The following DAB1 variants were observed in gnomAD, a reference collection of about 807,000 sequenced individuals.
The protein encoded by DAB1 is disabled homolog 1.
Under a neutral mutation model 64.6 loss-of-function variants are expected in DAB1, and 15 were observed. The observed-to-expected ratio is 0.23, with a 90% CI of 0.16 to 0.36. The LOEUF is 0.36. Among genes scored for constraint, DAB1 ranks in the 10% least tolerant of loss-of-function variants. The pLI, the probability that DAB1 is intolerant of heterozygous loss-of-function variation, is 1.00. For synonymous variants in DAB1, 235 were observed against 251.9 expected (o/e 0.93, Z 0.64); for missense variants, 596 against 706.7 (o/e 0.84, Z 1.78).
At position 58,300,596 on chromosome 1, in the gene DAB1, GAAAGAA is replaced by G. The variant is rs1557726022; in HGVS notation, n.309+42750_309+42755del. Among the ~76,000 whole-genome samples, 5 of 41,180 alleles carry G rather than the reference GAAAGAA, an allele frequency of 1.2e-4. 1 individual carries two copies. The highest frequency in any genetic ancestry group is 4.5e-4 in the African/African-American group (5 of 11,072). 27.0% of individuals were successfully genotyped at this position (41,180 alleles called of 152,430 possible). On this transcript the variant is annotated intron_variant and non_coding_transcript_variant, in intron 4 of 20. Coordinates refer to the DAB1 transcript ENST00000485760. ...AGAAAGAAAGAAAGAAAGAAAGAAAGAAAGAAAGAAAGAAAGAGAGAGAGAGAGAGA... is the reference window on the plus strand; with the variant it reads ...AGAAAGAAAGAAAGAAAGAAAGAAAGAGAAAGAAAGAGAGAGAGAGAGAGA...
At chr1:57,432,356 T>C (rs1685548924) in intron 7 of DAB1, among the ~76,000 whole-genome samples, 1 of 152,228 alleles carries the variant, frequency 6.6e-6, no homozygotes, top group African/African-American at 2.4e-5. Flanking sequence ...TATTTAATTT[T>C]GGTAGACCTA....
At chr1:57,662,258 C>T (rs1304335987) in intron 6 of DAB1, among the ~76,000 whole-genome samples, 2 of 152,104 alleles carry the variant, frequency 1.3e-5, no homozygotes, top group African/African-American at 2.4e-5. Context: ...TGCAATGGCG[C>T]GATCTCGGCT....
At chr1:57,012,858 A>G (rs1274534776) in intron 12 of DAB1, among the ~76,000 whole-genome samples, 3 of 152,236 alleles carry the variant, frequency 2.0e-5, no homozygotes, top group Non-Finnish European at 2.9e-5. Flanking sequence ...TGGCAGGTAT[A>G]CTGCTCAGAC....
intron 7 of DAB1, among the ~76,000 whole-genome samples, chr1:57,460,147 C>T (rs1310285654): frequency 6.6e-6 from 1 of 152,180 alleles, no homozygotes; most frequent in Non-Finnish European, 1.5e-5. Context: ...TTAGTTGTGA[C>T]ACTTAGAAAA....
At chr1:58,019,344 A>T in intron 5 of DAB1, among the ~76,000 whole-genome samples, 1 of 152,350 alleles carries the variant, frequency 6.6e-6, no homozygotes, top group African/African-American at 2.4e-5. Context: ...GAAAATATAA[A>T]GGGAATAAAA....
intron 5 of DAB1, among the ~76,000 whole-genome samples, chr1:58,088,197 G>A (rs1171114488): frequency 1.3e-5 from 2 of 152,196 alleles, no homozygotes; most frequent in East Asian, 3.9e-4. Context: ...CCCAAGTGGG[G>A]GTTCTTAGTT....
intron 1 of DAB1, among the ~76,000 whole-genome samples, chr1:57,406,458 T>C (rs549905661): frequency 3.9e-5 from 6 of 152,236 alleles, no homozygotes; most frequent in Non-Finnish European, 7.3e-5. Flanking sequence ...TATAGGGTAA[T>C]GTCCATGGAT....
At position 57,807,598 on chromosome 1, in the gene DAB1, T is replaced by C. The variant is rs74072776; in HGVS notation, n.551+76401A>G. 8.6e-3 allele frequency among the ~76,000 whole-genome samples: 1,306 copies of C among 152,340 alleles called. 20 individuals carry two copies. Among genetic ancestry groups the C allele is most frequent in the African/African-American group, 0.03 (1,245 of 41,572 alleles). The stretch of plus-strand genomic sequence containing the variant: ...ATATCCTGTCTTCTATGCTGAATTA[T>C]TGTAGTCCTACAAATGCATAATTGA... On this transcript the variant is annotated intron_variant and non_coding_transcript_variant, in intron 6 of 20. Transcript: ENST00000485760.
At chr1:57,482,377 A>G (rs1246957036) in intron 7 of DAB1, among the ~76,000 whole-genome samples, 3 of 151,882 alleles carry the variant, frequency 2.0e-5, no homozygotes, top group Admixed American at 6.6e-5. Context: ...AGAATCATCA[A>G]ATAAATATGC....
At chr1:58,072,114 T>C (rs1649313986) in intron 5 of DAB1, among the ~76,000 whole-genome samples, 1 of 151,766 alleles carries the variant, frequency 6.6e-6, no homozygotes, top group South Asian at 2.1e-4. Flanking sequence ...GGGAAGGTTT[T>C]GCAATTTTAA....
chr1:57,738,724 A>C (rs1270689452), intron 6 of DAB1, among the ~76,000 whole-genome samples: 3 of 152,212 alleles, frequency 2.0e-5, no homozygotes, highest in African/African-American at 7.2e-5. Flanking sequence ...ACTGCCAGAC[A>C]GCTCGTTGAA....
At chr1:58,007,745 G>C (rs930808997) in intron 5 of DAB1, among the ~76,000 whole-genome samples, 17 of 152,130 alleles carry the variant, frequency 1.1e-4, no homozygotes, top group African/African-American at 4.1e-4. Context: ...TCCTACCTAA[G>C]GGTCTGGACG....
At chr1:58,362,685 C>T (rs992204959) in intron 3 of DAB1, among the ~76,000 whole-genome samples, 18 of 152,150 alleles carry the variant, frequency 1.2e-4, no homozygotes, top group Non-Finnish European at 7.4e-5. Flanking sequence ...CAATGCATTC[C>T]ATCAGTGACA....
At chr1:58,023,458 G>A (rs1219086154) in intron 5 of DAB1, among the ~76,000 whole-genome samples, 1 of 152,130 alleles carries the variant, frequency 6.6e-6, no homozygotes, top group African/African-American at 2.4e-5. Context: ...TCTCTGGGGT[G>A]GGGTGTGGAT....
intron 1 of DAB1, among the ~76,000 whole-genome samples, chr1:57,835,610 T>C (rs1652776479): frequency 6.6e-6 from 1 of 152,194 alleles, no homozygotes; most frequent in South Asian, 2.1e-4. Flanking sequence ...AGTTCTCTTC[T>C]AGTCCTCCAT....
At chr1:57,015,619 T>A (rs1646404758) in intron 11 of DAB1, among the ~76,000 whole-genome samples, 188 bp from the exon 12 acceptor site, 1 of 152,120 alleles carries the variant, frequency 6.6e-6, no homozygotes, top group Non-Finnish European at 1.5e-5. Flanking sequence ...CCTAGAGAAG[T>A]GGTCAGGGAA....
intron 4 of DAB1, among the ~76,000 whole-genome samples, chr1:57,135,532 T>C (rs1358555630): frequency 6.6e-6 from 1 of 152,190 alleles, no homozygotes; most frequent in African/African-American, 2.4e-5. Flanking sequence ...GCTTCTACCT[T>C]TTGGCTACTG....
intron 7 of DAB1, among the ~76,000 whole-genome samples, chr1:57,533,538 G>GATATATATATATATAT (rs1558468342): frequency 9.5e-5 from 6 of 63,178 alleles, no homozygotes; most frequent in South Asian, 1.3e-3. Context: ...ATTCATAACA[G>GATATATATATATATAT]GTATATATAT....
At chr1:57,647,562 G>A (rs1052366605) in intron 7 of DAB1, among the ~76,000 whole-genome samples, 3 of 152,132 alleles carry the variant, frequency 2.0e-5, no homozygotes, top group Admixed American at 1.3e-4. Context: ...AACTGACCAA[G>A]CCAGGAGGAT....
Sources: allele counts gnomAD v4.1 joint callset (sites outside exome capture counted in the v4.1 genomes callset), GRCh38; gene constraint gnomAD v4.1.1; transcripts MANE v1.5; gene names NCBI Gene and HGNC (gene_info 2026-07-23, HGNC 2026-07-21).